Variants in PALLD observed in about 807,000 individuals in gnomAD.
PALLD encodes palladin.
In PALLD, 61 loss-of-function variants were observed where a neutral mutation model predicts 123.5. The ratio of observed to expected loss-of-function variants is 0.49; its 90% CI spans 0.40 to 0.61. The LOEUF (loss-of-function observed/expected upper bound fraction) is 0.61. Ranked by LOEUF, PALLD falls within the 20% of genes least tolerant of loss-of-function variation. The pLI is 0.00. For missense variants in PALLD, 1,273 were observed against 1,377.0 expected, an observed-to-expected ratio of 0.92 and a Z score of 1.20; for synonymous variants, 465 against 496.4, an observed-to-expected ratio of 0.94 and a Z score of 0.84.
At chr4:168,630,391 A>G (rs2723696) in intron 2 of PALLD, among the ~76,000 whole-genome samples, 50,145 of 152,130 alleles carry the variant, frequency 0.33, 8,675 homozygotes, top group African/African-American at 0.45. Flanking sequence ...AAGCAACCTC[A>G]TCCTTATTAA....
intron 10 of PALLD, among the ~76,000 whole-genome samples, chr4:168,776,865 T>G (rs746528644): frequency 6.6e-6 from 1 of 152,210 alleles, no homozygotes; most frequent in Non-Finnish European, 1.5e-5. Flanking sequence ...TGTATTTGAT[T>G]TACTGAAATC....
At chr4:168,820,383 C>T (rs1742549589) in intron 10 of PALLD, among the ~76,000 whole-genome samples, 1 of 152,150 alleles carries the variant, frequency 6.6e-6, no homozygotes, top group African/African-American at 2.4e-5. Flanking sequence ...GAATATTACG[C>T]AGCAATTAAA....
chr4:168,899,700 T>C (rs1756038169), intron 14 of PALLD, among the ~76,000 whole-genome samples: 1 of 152,116 alleles, frequency 6.6e-6, no homozygotes, highest in Non-Finnish European at 1.5e-5. Context: ...GTGGATCACC[T>C]GAGCTCAGGA....
At chr4:168,738,721 G>A (rs568613884) in intron 10 of PALLD, among the ~76,000 whole-genome samples, 8 of 150,586 alleles carry the variant, frequency 5.3e-5, no homozygotes, top group Admixed American at 2.7e-4. Flanking sequence ...GTGAGCCACC[G>A]CGCCCGGCCA....
Position 168,926,350 on chromosome 4 carries a change from C to T in PALLD, c.*170C>T. On this transcript the variant is annotated 3_prime_UTR_variant, in exon 22 of 22. Coordinates refer to ENST00000505667, the MANE Select transcript of PALLD (RefSeq NM_001166108.2). ...TGAGGCCAACCCATCTCACCTGACA[C>T]TGAATACTGCCTTGGTAGAAAGTGA... 1 of 1,537,360 alleles carries T rather than the reference C, an allele frequency of 6.5e-7. No individual in the cohort carries two copies. The highest frequency in any genetic ancestry group is 8.7e-7 in the Non-Finnish European group (1 of 1,146,816).
chr4:168,903,718 C>T (rs1239737711), intron 14 of PALLD, 39 bp from the exon 15 acceptor site: 1 of 1,546,330 alleles, frequency 6.5e-7, no homozygotes, highest in East Asian at 2.2e-5. Flanking sequence ...AGTAGGAATA[C>T]ACAAACTCCT....
intron 2 of PALLD, among the ~76,000 whole-genome samples, chr4:168,617,500 T>G (rs543796149): frequency 6.6e-6 from 1 of 152,096 alleles, no homozygotes; most frequent in Non-Finnish European, 1.5e-5. Context: ...AGAACAAGAC[T>G]AGGGGCCGGC....
Position 168,611,244 on chromosome 4 carries a change from C to T in PALLD, c.909-56946C>T, listed in dbSNP as rs77681835. On this transcript the variant is annotated intron_variant, in intron 2 of 21. Coordinates refer to ENST00000505667, the MANE Select transcript of PALLD (RefSeq NM_001166108.2). ...TTTCCTGACAGCTGCCACAACTGCT[C>T]CTTCCTCTTTCTTCCCTCTAATGAG... 4.4e-3 allele frequency among the ~76,000 whole-genome samples: 663 copies of T among 152,308 alleles called. 6 individuals are homozygous for T. Among genetic ancestry groups the T allele is most frequent in the African/African-American group, 0.015 (633 of 41,556 alleles).
intron 3 of PALLD, among the ~76,000 whole-genome samples, chr4:168,669,256 G>A (rs1344483053): frequency 6.6e-6 from 1 of 152,134 alleles, no homozygotes; most frequent in Non-Finnish European, 1.5e-5. Context: ...TTCAAGAACT[G>A]GCCCACAATA....
chr4:168,508,191 T>C (rs1345104534), intron 1 of PALLD, among the ~76,000 whole-genome samples: 8 of 152,184 alleles, frequency 5.3e-5, no homozygotes, highest in Non-Finnish European at 1.2e-4. Flanking sequence ...ATGAATATGC[T>C]AGTTGCCCTG....
intron 10 of PALLD, among the ~76,000 whole-genome samples, chr4:168,718,482 A>G (rs139310962): frequency 1.1e-4 from 16 of 152,304 alleles, no homozygotes; most frequent in South Asian, 2.1e-4. Context: ...GACTTAAATC[A>G]TCCGTAATTT....
chr4:168,741,625 A>C (rs1306530242), intron 10 of PALLD, among the ~76,000 whole-genome samples: 1 of 152,198 alleles, frequency 6.6e-6, no homozygotes, highest in Admixed American at 6.5e-5. Context: ...TCAAGGCTGC[A>C]GTGAGCTATG....
chr4:168,698,395 A>G (rs868417349), intron 8 of PALLD, among the ~76,000 whole-genome samples: 15 of 151,960 alleles, frequency 9.9e-5, no homozygotes, highest in Middle Eastern at 3.2e-3. Context: ...GGATTGAATA[A>G]CTAAAAGAAT....
intron 10 of PALLD, among the ~76,000 whole-genome samples, chr4:168,815,230 G>A (rs186604092): frequency 2.0e-5 from 3 of 152,274 alleles, no homozygotes; most frequent in Non-Finnish European, 4.4e-5. Context: ...GCATACACTA[G>A]CATCATTTTC....
At chr4:168,867,032 G>A (rs914524573) in intron 10 of PALLD, among the ~76,000 whole-genome samples, 2 of 152,192 alleles carry the variant, frequency 1.3e-5, no homozygotes, top group African/African-American at 2.4e-5. Flanking sequence ...ACATGGTAAC[G>A]TCATGGTCAT....
At chr4:168,809,916 A>G (rs1318565375) in intron 10 of PALLD, among the ~76,000 whole-genome samples, 1 of 152,072 alleles carries the variant, frequency 6.6e-6, no homozygotes, top group East Asian at 1.9e-4. Context: ...GCTGATGAAC[A>G]CAGCTAAGAA....
intron 17 of PALLD, among the ~76,000 whole-genome samples, chr4:168,919,905 G>T (rs1761083203): frequency 6.6e-6 from 1 of 152,144 alleles, no homozygotes; most frequent in South Asian, 2.1e-4. Flanking sequence ...AGGTACAAGG[G>T]GCATTCTCTT....
chr4:168,655,379 C>T (rs770576549), intron 2 of PALLD, among the ~76,000 whole-genome samples: 2 of 152,192 alleles, frequency 1.3e-5, no homozygotes, highest in Non-Finnish European at 2.9e-5. Flanking sequence ...TGCACTCATG[C>T]CCTGTTTGAG....
intron 2 of PALLD, among the ~76,000 whole-genome samples, chr4:168,539,829 A>G (rs1306598164): frequency 6.6e-6 from 1 of 152,060 alleles, no homozygotes; most frequent in African/African-American, 2.4e-5. Context: ...TTCAACTTTT[A>G]GATTCAGGGG....
Sources: allele counts gnomAD v4.1 joint callset (sites outside exome capture counted in the v4.1 genomes callset), GRCh38; gene constraint gnomAD v4.1.1; transcripts MANE v1.5; gene names NCBI Gene and HGNC (gene_info 2026-07-23, HGNC 2026-07-21).